The following DTNA variants were observed in gnomAD, a reference collection of about 807,000 sequenced individuals.
DTNA encodes dystrobrevin alpha.
A neutral mutation model predicts 100.7 loss-of-function variants in DTNA; 43 were observed. That is an observed-to-expected ratio of 0.43 (90% CI 0.33 to 0.55). The LOEUF (loss-of-function observed/expected upper bound fraction) is 0.55. DTNA is among the 20% of genes least tolerant of loss of function. DTNA has a pLI of 0.04. For synonymous variants in DTNA, 349 were observed against 347.9 expected (o/e 1.00, Z -0.04); for missense variants, 798 against 953.9 (o/e 0.84, Z 2.15).
intron 1 of DTNA, among the ~76,000 whole-genome samples, chr18:34,631,074 T>C (rs1240287035): frequency 6.6e-6 from 1 of 152,172 alleles, no homozygotes; most frequent in African/African-American, 2.4e-5. Flanking sequence ...TAAACAATAA[T>C]ACTAGCTAAC....
chr18:34,785,935 A>G (rs1419675488), intron 3 of DTNA, among the ~76,000 whole-genome samples: 2 of 152,202 alleles, frequency 1.3e-5, no homozygotes, highest in East Asian at 1.9e-4. Flanking sequence ...AAGATGGAAG[A>G]CTACAAAATG....
intron 16 of DTNA, among the ~76,000 whole-genome samples, chr18:34,860,108 A>T (rs1179568751): frequency 6.6e-6 from 1 of 151,482 alleles, no homozygotes; most frequent in Non-Finnish European, 1.5e-5. Context: ...GTGCAGTGGC[A>T]CGATCTCGGC....
In DTNA at chr18:34,889,052, T is replaced by C. The variant is rs1226633771; in HGVS notation, c.*1318T>C. ...GGGATAGTCTTTTCCAAGGACCCTC[T>C]TTAGAGGGCCCTAAAGACCTCCTTT... On this transcript the variant is annotated 3_prime_UTR_variant, in exon 23 of 23. Coordinates refer to ENST00000444659, the MANE Select transcript of DTNA (RefSeq NM_001386795.1). 1 of 985,684 alleles carries C rather than the reference T, an allele frequency of 1.0e-6. No homozygotes were observed. Among genetic ancestry groups the C allele is most frequent in the Non-Finnish European group, 1.2e-6 (1 of 829,934 alleles). 61.1% of individuals were successfully genotyped at this position (985,684 alleles called of 1,614,324 possible).
chr18:34,685,612 G>A (rs2078777311), intron 1 of DTNA, among the ~76,000 whole-genome samples: 1 of 152,140 alleles, frequency 6.6e-6, no homozygotes, highest in African/African-American at 2.4e-5. Context: ...GATTGTCTTG[G>A]CTATACAGGC....
intron 1 of DTNA, among the ~76,000 whole-genome samples, chr18:34,578,959 C>A (rs891527303): frequency 6.6e-6 from 1 of 151,804 alleles, no homozygotes. Flanking sequence ...GTTTTTTGTT[C>A]CTGTGTTCCT....
At chr18:34,808,208 C>T (rs2095411704) in intron 5 of DTNA, among the ~76,000 whole-genome samples, 1 of 152,176 alleles carries the variant, frequency 6.6e-6, no homozygotes, top group Non-Finnish European at 1.5e-5. Flanking sequence ...CAACCTTTAA[C>T]ATACCAGGCT....
chr18:34,866,319 A>T, intron 17 of DTNA: 1 of 1,468,696 alleles, frequency 6.8e-7, no homozygotes. Flanking sequence ...ATTTTTTATA[A>T]CTATCACTAC....
intron 1 of DTNA, among the ~76,000 whole-genome samples, chr18:34,753,056 T>C (rs1218301004): frequency 1.3e-5 from 2 of 152,228 alleles, no homozygotes; most frequent in East Asian, 1.9e-4. Flanking sequence ...TTTGCTGTTT[T>C]CTCTCTTTCC....
At chr18:34,761,267 A>T (rs948673550) in intron 2 of DTNA, among the ~76,000 whole-genome samples, 9 of 152,334 alleles carry the variant, frequency 5.9e-5, no homozygotes, top group African/African-American at 2.2e-4. Context: ...TTTTAAATGA[A>T]TGAGATATTT....
chr18:34,596,162 A>C (rs974206166), intron 1 of DTNA, among the ~76,000 whole-genome samples: 1 of 152,178 alleles, frequency 6.6e-6, no homozygotes, highest in African/African-American at 2.4e-5. Context: ...TCATATGCCA[A>C]ATCTTCACCA....
rs140482112 is a variant in DTNA, at chr18:34,584,873, TAGAA to T, written c.-2+91362_-2+91365del. On this transcript the variant is annotated intron_variant, in intron 1 of 19. Coordinates refer to the DTNA transcript ENST00000283365. Reference sequence around the variant, plus strand: ...AAGCAAGGAAAGGAACAAAGAAAGATAGAAAGTCAAATAAAATGAATCGGGAAAC... The same window carrying T: ...AAGCAAGGAAAGGAACAAAGAAAGATAGTCAAATAAAATGAATCGGGAAAC... 5.4e-3 allele frequency among the ~76,000 whole-genome samples: 822 copies of T among 152,002 alleles called. 9 individuals are homozygous for T. The highest frequency in any genetic ancestry group is 0.019 in the African/African-American group (787 of 41,494).
chr18:34,809,317 C>G (rs1196584851), intron 5 of DTNA, among the ~76,000 whole-genome samples: 1 of 152,046 alleles, frequency 6.6e-6, no homozygotes, highest in Non-Finnish European at 1.5e-5. Context: ...GGTAGCCAGG[C>G]ATGGTGGCAC....
chr18:34,815,832 A>C (rs1345123856), intron 6 of DTNA, 77 bp from the exon 7 acceptor site: 2 of 1,272,722 alleles, frequency 1.6e-6, no homozygotes, highest in Non-Finnish European at 2.3e-6. Flanking sequence ...TTTCAGTCTC[A>C]AATGATATGA....
chr18:34,800,881 T>C (rs1341011219), intron 4 of DTNA, among the ~76,000 whole-genome samples: 1 of 152,230 alleles, frequency 6.6e-6, no homozygotes, highest in African/African-American at 2.4e-5. Context: ...ACAAATATTC[T>C]CTTCCCTGCA....
intron 1 of DTNA, among the ~76,000 whole-genome samples, chr18:34,732,810 T>A (rs1001042146): frequency 2.0e-5 from 3 of 152,278 alleles, no homozygotes; most frequent in South Asian, 2.1e-4. Flanking sequence ...TGTAAGTGAG[T>A]CCTATTCAAC....
At chr18:34,704,077 C>A (rs2081781746) in intron 1 of DTNA, among the ~76,000 whole-genome samples, 1 of 152,092 alleles carries the variant, frequency 6.6e-6, no homozygotes, top group Admixed American at 6.6e-5. Context: ...TTCTCATATT[C>A]TTTTTTTATC....
intron 3 of DTNA, among the ~76,000 whole-genome samples, chr18:34,784,149 G>A (rs1011501005): frequency 6.6e-6 from 1 of 152,074 alleles, no homozygotes. Context: ...AGAACAGCCC[G>A]GGTTTCCACC....
At chr18:34,555,117 T>A (rs553593111) in intron 1 of DTNA, among the ~76,000 whole-genome samples, 57 of 134,274 alleles carry the variant, frequency 4.2e-4, no homozygotes, top group African/African-American at 1.6e-3. Context: ...AGTGTATGTG[T>A]CGAGGAATTT....
chr18:34,550,228 C>A (rs1200797324), intron 1 of DTNA, among the ~76,000 whole-genome samples: 1 of 152,078 alleles, frequency 6.6e-6, no homozygotes. Flanking sequence ...TAGGAATTGG[C>A]AGGATGAGAG....
Sources: gnomAD v4.1 joint callset for allele counts (sites outside exome capture counted in the v4.1 genomes callset) on GRCh38, gnomAD v4.1.1 for gene constraint, MANE v1.5 for transcripts, NCBI Gene and HGNC (gene_info 2026-07-23, HGNC 2026-07-21) for gene names.